Variants in EXD3 observed in about 807,000 individuals in gnomAD.
The protein encoded by EXD3 is exonuclease mut-7 homolog.
A neutral mutation model predicts 98.0 loss-of-function variants in EXD3; 92 were observed. That is an observed-to-expected ratio of 0.94 (90% CI 0.79 to 1.12). The LOEUF (loss-of-function observed/expected upper bound fraction) is 1.12. Ranked by LOEUF, EXD3 falls within the 50% of genes most tolerant of loss-of-function variation. The pLI is 0.00. For synonymous variants in EXD3, 569 were observed against 526.0 expected (o/e 1.08, Z -1.12); for missense variants, 1,222 against 1,191.6 (o/e 1.03, Z -0.38).
At chr9:137,406,744 C>T (rs1837731123) in intron 1 of EXD3, among the ~76,000 whole-genome samples, 1 of 152,200 alleles carries the variant, frequency 6.6e-6, no homozygotes, top group Admixed American at 6.5e-5. Context: ...AGTACTCCCC[C>T]GGCCACAGCC....
At chr9:137,332,796 G>T (rs537737320) in intron 17 of EXD3, among the ~76,000 whole-genome samples, 15 of 152,366 alleles carry the variant, frequency 9.8e-5, no homozygotes, top group Non-Finnish European at 1.6e-4. Flanking sequence ...AGTGAGCCAA[G>T]GTTGCGCCAC....
At chr9:137,353,134 C>T (rs1834399655) in intron 10 of EXD3, 1 of 1,179,260 alleles carries the variant, frequency 8.5e-7, no homozygotes, top group Non-Finnish European at 1.1e-6. Context: ...GCCTCCAAGC[C>T]TCCACCGGCC....
intron 1 of EXD3, among the ~76,000 whole-genome samples, chr9:137,400,506 T>C (rs10125730): frequency 0.91 from 138,261 of 152,244 alleles, 62,868 homozygotes; most frequent in East Asian, 1. Context: ...TGGCTCATTC[T>C]TATAATCCCA....
At chr9:137,381,998 G>A (rs1181532010) in intron 3 of EXD3, among the ~76,000 whole-genome samples, 2 of 147,192 alleles carry the variant, frequency 1.4e-5, no homozygotes, top group Non-Finnish European at 3.0e-5. Flanking sequence ...AGGTGAGGAC[G>A]CGGGGAGGAG....
chr9:137,354,659 C>T lies in EXD3; in HGVS notation c.831+41G>A, dbSNP rs1243893462. The T allele has an allele frequency of 5.6e-6, 9 of 1,606,608 alleles. 1 individual carries two copies. Among genetic ancestry groups the T allele is most frequent in the Middle Eastern group, 3.3e-4 (2 of 6,058 alleles). On this transcript the variant is annotated intron_variant, in intron 9 of 21. Transcript: ENST00000340951. Reference sequence around the variant, plus strand: ...CCCAGGCCAAACTCTGTGGCTCAGGCCGCGGCTGGCTGCCCCCAGGACCCC... The same window carrying T: ...CCCAGGCCAAACTCTGTGGCTCAGGTCGCGGCTGGCTGCCCCCAGGACCCC...
At chr9:137,313,839 T>C (rs1381003032) in intron 19 of EXD3, among the ~76,000 whole-genome samples, 1 of 152,128 alleles carries the variant, frequency 6.6e-6, no homozygotes, top group East Asian at 1.9e-4. Context: ...CGGCAAAGCA[T>C]GAAAGAGCAA....
chr9:137,352,479 G>T, intron 11 of EXD3, 141 bp downstream of exon 11: 1 of 974,198 alleles, frequency 1.0e-6, no homozygotes, highest in Non-Finnish European at 1.5e-6. Flanking sequence ...TGTCTGCTCT[G>T]TGTATAGCTG....
intron 1 of EXD3, among the ~76,000 whole-genome samples, chr9:137,406,157 G>A (rs573924087): frequency 2.6e-4 from 39 of 151,400 alleles, no homozygotes; most frequent in Admixed American, 5.9e-4. Flanking sequence ...TCAAGGCTGC[G>A]GTGACCCAAG....
chr9:137,352,638 C>T lies in EXD3; in HGVS notation c.1019G>A (p.Arg340Gln), dbSNP rs144927714. Reference protein sequence around the residue: ...LPAAVAVELRRFRLQGRATEA... With the variant: ...LPAAVAVELRQFRLQGRATEA... Reference sequence around the variant, plus strand: ...CGCTCACCTCCCCTGGAGCCTGAACCGGCGGAGTTCCACAGCCACCGCAGC... The same window carrying T: ...CGCTCACCTCCCCTGGAGCCTGAACTGGCGGAGTTCCACAGCCACCGCAGC... The change falls in exon 11 of 22, where the codon CGG (arginine) becomes CAG (glutamine). Residue 340 changes from arginine (R) to glutamine (Q), a missense_variant. Physicochemically the swap from Arg to Gln is conservative, Grantham distance 43. Coordinates refer to ENST00000340951, the MANE Select transcript of EXD3 (RefSeq NM_017820.5). The T allele has an allele frequency of 3.1e-4, 472 of 1,546,564 alleles. 1 individual carries two copies. The East Asian group carries it at 7.3e-3, about 24-fold the overall frequency.
At chr9:137,336,629 G>C (rs1337732003) in intron 17 of EXD3, among the ~76,000 whole-genome samples, 1 of 139,846 alleles carries the variant, frequency 7.2e-6, no homozygotes, top group Non-Finnish European at 1.5e-5. Flanking sequence ...CTGCACTCCA[G>C]CCTGGGTGAC....
At chr9:137,374,522 G>T (rs553606006) in intron 3 of EXD3, 17 of 982,294 alleles carry the variant, frequency 1.7e-5, no homozygotes, top group Non-Finnish European at 1.8e-5. Flanking sequence ...CACTTGCTCC[G>T]GCGATTTGAA....
chr9:137,366,043 C>T, intron 7 of EXD3: 2 of 659,434 alleles, frequency 3.0e-6, no homozygotes. Context: ...CACACATGCA[C>T]ACACATGCAC....
At position 137,407,922 on chromosome 9, in the gene EXD3, G is replaced by A. The variant is rs1837808721; in HGVS notation, c.-47-12518C>T. 1.3e-5 allele frequency among the ~76,000 whole-genome samples: 2 copies of A among 152,146 alleles called. No homozygotes were observed. The highest frequency in any genetic ancestry group is 2.9e-5 in the Non-Finnish European group (2 of 68,008). On this transcript the variant is annotated intron_variant, in intron 1 of 21. Coordinates refer to ENST00000340951, the MANE Select transcript of EXD3 (RefSeq NM_017820.5). The surrounding 1 kb of genome is among the most constrained non-coding windows in gnomAD (Gnocchi z 4.4). ...CACCATGGACACCCCAGGCCCCGCA[G>A]CACACAAATGCGGAGCCTCAAGCCT...
At chr9:137,355,628 T>A (rs141339380) in intron 8 of EXD3, among the ~76,000 whole-genome samples, 1,177 of 4,796 alleles carry the variant, frequency 0.25, 28 homozygotes, top group African/African-American at 0.4. Flanking sequence ...GAAGGGAGGA[T>A]GGAGGAAGGA....
In EXD3 at chr9:137,393,103, T is replaced by C. The variant is rs934829393; in HGVS notation, c.55+2200A>G. ...CTGTTCTCGGTGGGGGTGCCGTGTC[T>C]GTTCCAGGGAGGGCCATTAGTGTTC... On this transcript the variant is annotated intron_variant, in intron 2 of 21. Coordinates refer to ENST00000340951, the MANE Select transcript of EXD3 (RefSeq NM_017820.5). This position sits in a 1 kb window ranked among gnomAD's most constrained non-coding sequence, Gnocchi z 4.6. The C allele has an allele frequency of 2.9e-6, 2 of 694,936 alleles. No individual in the cohort carries two copies. The highest frequency in any genetic ancestry group is 3.6e-5 in the African/African-American group (2 of 55,574). 43.0% of individuals were successfully genotyped at this position (694,936 alleles called of 1,614,324 possible).
At chr9:137,413,503 CTTT>C (rs768508083) in intron 1 of EXD3, among the ~76,000 whole-genome samples, 7 of 128,736 alleles carry the variant, frequency 5.4e-5, no homozygotes, top group Non-Finnish European at 5.0e-5. Context: ...CCTGGCCTAG[CTTT>C]TTTTTTTTTT....
intron 17 of EXD3, among the ~76,000 whole-genome samples, chr9:137,330,544 A>G (rs1406243815): frequency 2.1e-5 from 3 of 145,142 alleles, no homozygotes; most frequent in Non-Finnish European, 4.5e-5. Context: ...TACAGGAGCT[A>G]CACAGGAGCT....
intron 10 of EXD3, 94 bp from the exon 11 acceptor site, chr9:137,352,880 A>G: frequency 6.8e-7 from 1 of 1,479,320 alleles, no homozygotes; most frequent in South Asian, 1.3e-5. Flanking sequence ...GACCTTGCAG[A>G]CTGGCTATGA....
At chr9:137,323,978 G>A (rs922074601) in intron 18 of EXD3, 112 bp downstream of exon 18, 2 of 1,528,328 alleles carry the variant, frequency 1.3e-6, no homozygotes, top group Non-Finnish European at 1.8e-6. Flanking sequence ...TACGGCAGAG[G>A]CGCTGGGGGT....
Sources: allele counts gnomAD v4.1 joint callset (sites outside exome capture counted in the v4.1 genomes callset), GRCh38; gene constraint gnomAD v4.1.1; non-coding constraint Gnocchi (gnomAD v3.1); transcripts MANE v1.5; gene names NCBI Gene and HGNC (gene_info 2026-07-23, HGNC 2026-07-21).